The following FBXL2 variants were observed in gnomAD, a reference collection of about 807,000 sequenced individuals.
FBXL2 encodes F-box/LRR-repeat protein 2.
FBXL2 carries 38 observed loss-of-function variants against 69.2 expected under a neutral mutation model. That is an observed-to-expected ratio of 0.55 (90% CI 0.42 to 0.72). The LOEUF is 0.72. FBXL2 is among the 30% of genes least tolerant of loss of function. The pLI is 0.00. For synonymous variants in FBXL2, 192 were observed against 201.3 expected (o/e 0.95, Z 0.39); for missense variants, 354 against 520.3 (o/e 0.68, Z 3.11).
intron 2 of FBXL2, among the ~76,000 whole-genome samples, chr3:33,351,123 C>G (rs565222745): frequency 1.3e-5 from 2 of 151,856 alleles, no homozygotes; most frequent in South Asian, 2.1e-4. Flanking sequence ...AAAAATTAGC[C>G]GGGCATGGTG....
chr3:33,288,189 G>C (rs2034848006), intron 1 of FBXL2, among the ~76,000 whole-genome samples: 1 of 152,186 alleles, frequency 6.6e-6, no homozygotes, highest in Non-Finnish European at 1.5e-5. Flanking sequence ...TCAGAATCAA[G>C]GTTCAAACTC....
At chr3:33,357,594 A>G (rs1178907960) in intron 2 of FBXL2, among the ~76,000 whole-genome samples, 1 of 131,030 alleles carries the variant, frequency 7.6e-6, no homozygotes, top group East Asian at 2.2e-4. Context: ...CAGTGGCGCT[A>G]TCTCGGCTCA....
chr3:33,378,702 C>T lies in FBXL2; in HGVS notation c.912C>T (p.Leu304=), dbSNP rs998154538. 3 of 1,613,790 alleles carry T rather than the reference C, an allele frequency of 1.9e-6. No homozygotes were observed. The highest frequency in any genetic ancestry group is 1.3e-5 in the African/African-American group (1 of 74,926). Residue 304 remains leucine, a synonymous_variant, in exon 13 of 15, where the codon CTC becomes CTT. Transcript: ENST00000484457. ...CTCTCCAGATAACCGACAGCACACT[C>T]ATCCAGCTCTCCATTCACTGTCCTA... ...EECILITDST[L]IQLSIHCPKL... is the part of the protein sequence containing the mutation.
At chr3:33,374,028 G>T in intron 9 of FBXL2, 107 bp downstream of exon 9, 1 of 953,084 alleles carries the variant, frequency 1.0e-6, no homozygotes, top group Non-Finnish European at 1.7e-6. Flanking sequence ...GGGCTGTGTT[G>T]CCACACCCTG....
the FBXL2 span, chr3:33,408,907 G>C: frequency 2.9e-6 from 3 of 1,047,950 alleles, no homozygotes; most frequent in Non-Finnish European, 4.2e-6. Flanking sequence ...TGACTAACAG[G>C]ATTCAAAGTT....
chr3:33,301,310 C>T (rs141935988), intron 2 of FBXL2, among the ~76,000 whole-genome samples: 4 of 152,284 alleles, frequency 2.6e-5, no homozygotes, highest in African/African-American at 9.6e-5. Flanking sequence ...GACTTTGAGA[C>T]AGACCTATTT....
chr3:33,280,642 G>C (rs1269411744), intron 1 of FBXL2, among the ~76,000 whole-genome samples: 3 of 148,192 alleles, frequency 2.0e-5, no homozygotes, highest in Admixed American at 6.9e-5. Flanking sequence ...GAGTCCAGGA[G>C]CTCAAGGCTG....
At chr3:33,304,406 G>A (rs1559512654) in intron 2 of FBXL2, among the ~76,000 whole-genome samples, 1 of 151,990 alleles carries the variant, frequency 6.6e-6, no homozygotes, top group African/African-American at 2.4e-5. Flanking sequence ...CGTAAAAAAA[G>A]TATATGGTAT....
chr3:33,376,176 AC>A (rs1397156978), intron 10 of FBXL2, among the ~76,000 whole-genome samples: 3 of 152,122 alleles, frequency 2.0e-5, no homozygotes, highest in Non-Finnish European at 4.4e-5. Context: ...AACAAAAAAA[AC>A]AATAATTTGT....
intron 1 of FBXL2, among the ~76,000 whole-genome samples, chr3:33,284,933 T>C (rs2034444104): frequency 6.6e-6 from 1 of 152,224 alleles, no homozygotes; most frequent in South Asian, 2.1e-4. Context: ...TGAGCCTATG[T>C]GTGTCTCTGC....
intron 10 of FBXL2, 98 bp from the exon 11 acceptor site, chr3:33,377,175 C>G: frequency 1.7e-6 from 2 of 1,190,438 alleles, no homozygotes; most frequent in Non-Finnish European, 2.5e-6. Flanking sequence ...AAAAGCATGT[C>G]AAAGAGCAGA....
intron 1 of FBXL2, among the ~76,000 whole-genome samples, chr3:33,287,733 A>G (rs938537597): frequency 6.6e-6 from 1 of 152,226 alleles, no homozygotes; most frequent in African/African-American, 2.4e-5. Context: ...CCAGGATTTG[A>G]ACTCAACCAG....
chr3:33,376,358 C>T lies in FBXL2; in HGVS notation c.789-915C>T, dbSNP rs553780962. On this transcript the variant is annotated intron_variant, in intron 10 of 14. Coordinates refer to ENST00000484457, the MANE Select transcript of FBXL2 (RefSeq NM_012157.5). The stretch of plus-strand genomic sequence containing the variant: ...TCCCAATGAAACTGATCCATTCCCA[C>T]GCTCACACCAGTTCTGTATCTTTTA... Among the ~76,000 whole-genome samples, 33 of 152,294 alleles carry T rather than the reference C, an allele frequency of 2.2e-4. 1 individual carries two copies. The South Asian group carries it at 5.8e-3, about 27-fold the overall frequency.
the FBXL2 span, among the ~76,000 whole-genome samples, chr3:33,414,435 T>C: frequency 6.6e-6 from 1 of 151,222 alleles, no homozygotes; most frequent in Non-Finnish European, 1.5e-5. Flanking sequence ...AAGAAAAAAA[T>C]AGGACAAAAA....
rs1213900554 is a variant in FBXL2 at position 33,386,756 on chromosome 3, G to A, written c.*1148G>A. ...ATAAAATGACCCTACTCTCTGCTGT[G>A]GTTCATTCTTGCTCCATGCTGTCCA... On this transcript the variant is annotated 3_prime_UTR_variant, in exon 15 of 15. Coordinates refer to ENST00000484457, the MANE Select transcript of FBXL2 (RefSeq NM_012157.5). The A allele has an allele frequency of 6.6e-6, 1 of 152,044 alleles. No individual in the cohort carries two copies. Among genetic ancestry groups the A allele is most frequent in the Non-Finnish European group, 1.5e-5 (1 of 68,030 alleles). The allele number at this position is 152,044 out of a possible 1,614,324, so 9.4% of individuals were successfully genotyped here. A position where few individuals can be genotyped will look rare whatever the true frequency, so the allele number is the denominator to read the frequency against.
At chr3:33,297,953 T>C (rs1193024085) in intron 2 of FBXL2, 1 of 568,900 alleles carries the variant, frequency 1.8e-6, no homozygotes, top group Non-Finnish European at 3.2e-6. Flanking sequence ...TGGATTCTTT[T>C]TGTAATGTGG....
chr3:33,370,764 C>CTA (rs2042247264), intron 5 of FBXL2, among the ~76,000 whole-genome samples: 1 of 151,954 alleles, frequency 6.6e-6, no homozygotes. Context: ...TACAGGCACA[C>CTA]ACTACCACGC....
At chr3:33,419,179 C>T in the FBXL2 span, among the ~76,000 whole-genome samples, 456 of 152,148 alleles carry the variant, frequency 3.0e-3, no homozygotes, top group Non-Finnish European at 3.6e-3. Flanking sequence ...CAAAGACAGC[C>T]AGGAGCTGAC....
Position 33,375,392 on chromosome 3 carries a change from C to T in FBXL2, c.762C>T (p.Ala254=). 6.2e-7 allele frequency: 1 copy of T among 1,614,168 alleles called. No homozygotes were observed. The highest frequency in any genetic ancestry group is 1.3e-5 in the African/African-American group (1 of 75,042). Residue 254 remains alanine, a synonymous_variant, in exon 10 of 15, where the codon GCC becomes GCT. Transcript: ENST00000484457. ...ACCTCACAGATGCCTCTCTTACAGC[C>T]CTGGGTTTGAACTGTCCGCGACTGC... ...CSNLTDASLT[A]LGLNCPRLQI...
Sources: allele counts gnomAD v4.1 joint callset (sites outside exome capture counted in the v4.1 genomes callset), GRCh38; gene constraint gnomAD v4.1.1; transcripts MANE v1.5; gene names NCBI Gene and HGNC (gene_info 2026-07-23, HGNC 2026-07-21).